Variants in MYH2 observed in about 807,000 individuals in gnomAD.
MYH2 encodes the protein myosin heavy chain 2, also known as myosin-2.
In MYH2, 139 loss-of-function variants were observed where a neutral mutation model predicts 228.1. The ratio of observed to expected loss-of-function variants is 0.61; its 90% CI spans 0.53 to 0.70. The LOEUF (loss-of-function observed/expected upper bound fraction) is 0.70. Among genes scored for constraint, MYH2 ranks in the 30% least tolerant of loss-of-function variants. The pLI, the probability that MYH2 is intolerant of heterozygous loss-of-function variation, is 0.00. For missense variants in MYH2, 1,809 were observed against 2,357.5 expected (o/e 0.77, Z 4.82); for synonymous variants, 796 against 871.1 (o/e 0.91, Z 1.52).
intron 35 of MYH2, 40 bp from the exon 36 acceptor site, chr17:10,523,924 C>A: frequency 6.3e-7 from 1 of 1,599,060 alleles, no homozygotes; most frequent in South Asian, 1.1e-5. Flanking sequence ...AATTGTGTTA[C>A]CAAAGTATTT....
rs540192314 is a variant in MYH2 at position 10,543,240 on chromosome 17, G to C, written c.742-79C>G. 16 of 1,074,238 alleles carry C rather than the reference G, an allele frequency of 1.5e-5. No homozygotes were observed. The African/African-American group carries it at 2.3e-4, about 15-fold the overall frequency. The allele number at this position is 1,074,238 out of a possible 1,614,324, so 66.5% of individuals were successfully genotyped here. A position where few individuals can be genotyped will look rare whatever the true frequency, so the allele number is the denominator to read the frequency against. ...GAGAAATTCCAAACATTTGATGCTGGTACTTTAATATTAAATCAATTCAGA... is the reference window on the plus strand; with the variant it reads ...GAGAAATTCCAAACATTTGATGCTGCTACTTTAATATTAAATCAATTCAGA... On this transcript the variant is annotated intron_variant, in intron 8 of 39. Transcript: ENST00000245503.
rs2073597435 is a variant in MYH2 at position 10,544,270 on chromosome 17, C to T, written c.506-143G>A. 3.2e-6 allele frequency: 3 copies of T among 940,958 alleles called. No individual in the cohort carries two copies. In the Admixed American group the frequency reaches 6.3e-5, roughly 20 times the overall value. 58.3% of individuals were successfully genotyped at this position (940,958 alleles called of 1,614,324 possible). The stretch of plus-strand genomic sequence containing the variant: ...TGGCAGGCTTTAGACCTACCACTTT[C>T]TCCCTCCCCAACTTTAGCACACATC... On this transcript the variant is annotated intron_variant, in intron 5 of 39. Coordinates refer to ENST00000245503, the MANE Select transcript of MYH2 (RefSeq NM_017534.6).
At chr17:10,545,243 A>T (rs1336220822) in intron 5 of MYH2, 103 bp downstream of exon 5, 2 of 1,603,104 alleles carry the variant, frequency 1.2e-6, no homozygotes, top group Non-Finnish European at 1.7e-6. Flanking sequence ...GCCTCAACTA[A>T]AAGGGACGAT....
rs2073428153 is a variant in MYH2 at position 10,531,852 on chromosome 17, G to A, written c.2478C>T (p.Ser826=). The A allele has an allele frequency of 1.2e-6, 2 of 1,614,108 alleles. No homozygotes were observed. Among genetic ancestry groups the A allele is most frequent in the Non-Finnish European group, 1.7e-6 (2 of 1,179,988 alleles). ...AGGGCCAGTGCTTGACATTCATGAA[G>A]GATCTGATATTGTACTGGATACAGA... is the stretch of plus-strand genomic sequence containing the variant. ...AIFCIQYNIR[S]FMNVKHWPWM... The change falls in exon 22 of 40, where the codon TCC becomes TCT. Residue 826 remains serine, a synonymous_variant. Coordinates refer to ENST00000245503, the MANE Select transcript of MYH2 (RefSeq NM_017534.6).
In MYH2 at chr17:10,529,227, G is replaced by T. The variant is rs2073393915; in HGVS notation, c.3289C>A (p.Gln1097Lys). 1 of 1,614,192 alleles carries T rather than the reference G, an allele frequency of 6.2e-7. No individual in the cohort carries two copies. The change falls in exon 26 of 40, where the codon CAA (glutamine) becomes AAA (lysine). Residue 1097 changes from glutamine (Q) to lysine (K), a missense_variant. Gln to Lys is a moderately conservative substitution (Grantham distance 53). Transcript: ENST00000245503. ...KKKEFEISNL[Q>K]SKIEDEQALG... Reference sequence around the variant, plus strand: ...GCCTGTTCATCTTCAATCTTGCTTTGCAGATTGCTGATTTCAAACTCTTTC... The same window carrying T: ...GCCTGTTCATCTTCAATCTTGCTTTTCAGATTGCTGATTTCAAACTCTTTC...
intron 4 of MYH2, 57 bp from the exon 5 acceptor site, chr17:10,545,559 A>C: frequency 6.2e-7 from 1 of 1,604,346 alleles, no homozygotes; most frequent in Non-Finnish European, 8.5e-7. Context: ...TTGTGAAATT[A>C]ACTTATTAAT....
At position 10,524,815 on chromosome 17, in the gene MYH2, G is replaced by T. The variant is rs2073330109; in HGVS notation, c.4913C>A (p.Ala1638Asp). Residue 1638 changes from alanine to aspartate, a missense_variant, in exon 34 of 40, where the codon GCC becomes GAC. Ala to Asp is a moderately radical substitution (Grantham distance 126). Coordinates refer to ENST00000245503, the MANE Select transcript of MYH2 (RefSeq NM_017534.6). This position sits in a 1 kb window ranked among gnomAD's most constrained non-coding sequence, Gnocchi z 4.7. ...CAGGGCCTCAGCAGCCATGCGGTTG[G>T]CATGGTTCAGCTGGATTTCCATTTC... ...LNEMEIQLNH[A>D]NRMAAEALRN... 15 of 1,614,084 alleles carry T rather than the reference G, an allele frequency of 9.3e-6. No individual in the cohort carries two copies. The highest frequency in any genetic ancestry group is 1.2e-5 in the Non-Finnish European group (14 of 1,180,028).
At chr17:10,532,009 A>AG (rs1199949055) in intron 21 of MYH2, 121 bp from the exon 22 acceptor site, 1 of 1,110,434 alleles carries the variant, frequency 9.0e-7, no homozygotes, top group Non-Finnish European at 1.2e-6. Flanking sequence ...CATGCAGATG[A>AG]AAAAATTCTA....
Position 10,525,299 on chromosome 17 carries a change from G to A in MYH2, c.4587C>T (p.Ile1529=). 1 of 1,613,988 alleles carries A rather than the reference G, an allele frequency of 6.2e-7. No individual in the cohort carries two copies. The highest frequency in any genetic ancestry group is 8.5e-7 in the Non-Finnish European group (1 of 1,179,970). The change falls in exon 33 of 40, where the codon ATC becomes ATT. Residue 1529 remains isoleucine, a synonymous_variant. Transcript: ENST00000245503. The surrounding 1 kb of genome is among the most constrained non-coding windows in gnomAD (Gnocchi z 4.2). ...TEQIAEGGKR[I]HELEKIKKQV... ...GTTTCTTTATTTTCTCCAGTTCATGGATACGTTTCCCTCCTTCTGCAATCT... is the reference window on the plus strand; with the variant it reads ...GTTTCTTTATTTTCTCCAGTTCATGAATACGTTTCCCTCCTTCTGCAATCT...
chr17:10,540,807 C>A, intron 10 of MYH2, 110 bp from the exon 11 acceptor site: 2 of 875,202 alleles, frequency 2.3e-6, no homozygotes, highest in Non-Finnish European at 3.7e-6. Flanking sequence ...TCAGGGACCC[C>A]AAATAGAGGG....
chr17:10,538,671 A>G (rs2073512587), intron 14 of MYH2, among the ~76,000 whole-genome samples: 1 of 151,788 alleles, frequency 6.6e-6, no homozygotes, highest in African/African-American at 2.4e-5. Flanking sequence ...TCACCAAAAT[A>G]TTAACATTAT....
In MYH2 at chr17:10,547,689, T is replaced by C. The variant is rs200525877; in HGVS notation, c.204+28A>G. 4.0e-4 allele frequency: 649 copies of C among 1,614,150 alleles called. 1 individual carries two copies. Among genetic ancestry groups the C allele is most frequent in the Middle Eastern group, 2.5e-3 (15 of 6,060 alleles). On this transcript the variant is annotated intron_variant, in intron 3 of 39. Coordinates refer to ENST00000245503, the MANE Select transcript of MYH2 (RefSeq NM_017534.6). ...ACAACAACAACAAAAATCAATAAAA[T>C]GTGGCAAGCTCCTGGGATTCTACTC...
Position 10,539,492 on chromosome 17 carries a change from C to T in MYH2, c.1218G>A (p.Arg406=). ...ADLLKALCYP[R]VKVGNEYVTK... ...TGACATACTCATTGCCGACCTTGAC[C>T]CTGGGGTAGCAGAGAGCTTTGAGCA... Residue 406 remains arginine, a synonymous_variant, in exon 13 of 40, where the codon AGG becomes AGA. Transcript: ENST00000245503. 1 of 1,614,132 alleles carries T rather than the reference C, an allele frequency of 6.2e-7. No individual in the cohort carries two copies. The highest frequency in any genetic ancestry group is 8.5e-7 in the Non-Finnish European group (1 of 1,180,038).
At chr17:10,529,109 T>C in intron 26 of MYH2, 30 bp from the exon 27 acceptor site, 1 of 1,614,226 alleles carries the variant, frequency 6.2e-7, no homozygotes, top group Non-Finnish European at 8.5e-7. Flanking sequence ...CAAACTCAGC[T>C]TCTTTGTGTC....
intron 28 of MYH2, among the ~76,000 whole-genome samples, chr17:10,527,491 T>C (rs2073368973): frequency 6.6e-6 from 1 of 152,070 alleles, no homozygotes; most frequent in Non-Finnish European, 1.5e-5. Flanking sequence ...CATGCTGGAG[T>C]AACCGCTAAT....
At chr17:10,545,652 C>A in intron 4 of MYH2, 150 bp from the exon 5 acceptor site, 7 of 1,071,974 alleles carry the variant, frequency 6.5e-6, no homozygotes, top group Non-Finnish European at 9.5e-6. Flanking sequence ...GCAGCCCCAA[C>A]CTCCCGGGCT....
chr17:10,521,218 A>T lies in MYH2; in HGVS notation c.*62T>A, dbSNP rs1597446243. 2.5e-6 allele frequency: 4 copies of T among 1,582,480 alleles called. No individual in the cohort carries two copies. The East Asian group carries it at 9.0e-5, about 35-fold the overall frequency. ...TAGAATACACAATAATTACAGAGGG[A>T]AATGACCAAAGATGTCACATTTTGT... On this transcript the variant is annotated 3_prime_UTR_variant, in exon 40 of 40. Coordinates refer to ENST00000245503, the MANE Select transcript of MYH2 (RefSeq NM_017534.6).
intron 27 of MYH2, among the ~76,000 whole-genome samples, 182 bp downstream of exon 27, chr17:10,528,508 T>C (rs776113222): frequency 3.3e-5 from 5 of 152,082 alleles, no homozygotes; most frequent in Non-Finnish European, 7.3e-5. Context: ...GTGCTTGGCC[T>C]CTTTGAATTT....
At chr17:10,527,334 A>T in intron 28 of MYH2, among the ~76,000 whole-genome samples, 1 of 152,220 alleles carries the variant, frequency 6.6e-6, no homozygotes, top group East Asian at 1.9e-4. Flanking sequence ...GAGGACTGTC[A>T]AATGAGTAAG....
Sources: allele counts gnomAD v4.1 joint callset (sites outside exome capture counted in the v4.1 genomes callset), GRCh38; gene constraint gnomAD v4.1.1; non-coding constraint Gnocchi (gnomAD v3.1); transcripts MANE v1.5; gene names NCBI Gene and HGNC (gene_info 2026-07-23, HGNC 2026-07-21).